The following RXRA variants were observed in gnomAD, a reference collection of about 807,000 sequenced individuals.
RXRA encodes retinoic acid receptor RXR-alpha.
RXRA carries 5 observed loss-of-function variants against 44.5 expected under a neutral mutation model. That is an observed-to-expected ratio of 0.11 (90% CI 0.06 to 0.24). The LOEUF (loss-of-function observed/expected upper bound fraction) is 0.24. RXRA is among the 10% of genes least tolerant of loss of function. RXRA has a pLI of 1.00. For synonymous variants in RXRA, 291 were observed against 271.4 expected, an observed-to-expected ratio of 1.07 and a Z score of -0.71; for missense variants, 412 against 646.5, an observed-to-expected ratio of 0.64 and a Z score of 3.93.
chr9:134,424,602 CG>C (rs2119194716), intron 6 of RXRA: 1 of 985,466 alleles, frequency 1.0e-6, no homozygotes, highest in South Asian at 4.7e-5. Context: ...TTCTGTCTGC[CG>C]GGGCCAGCAG....
intron 6 of RXRA, among the ~76,000 whole-genome samples, chr9:134,428,034 C>T (rs777765344): frequency 4.3e-4 from 66 of 152,246 alleles, no homozygotes; most frequent in Non-Finnish European, 7.6e-4. Context: ...CCACGTCACC[C>T]GGTCTCCAGG....
chr9:134,338,250 G>T (rs782082889), intron 1 of RXRA, among the ~76,000 whole-genome samples: 1 of 152,240 alleles, frequency 6.6e-6, no homozygotes, highest in African/African-American at 2.4e-5. Context: ...TGTGGGGCAC[G>T]GCCATCGCCA....
At chr9:134,354,647 A>C (rs1217134283) in intron 1 of RXRA, among the ~76,000 whole-genome samples, 2 of 152,190 alleles carry the variant, frequency 1.3e-5, no homozygotes, top group African/African-American at 4.8e-5. Context: ...CTGCTGGTGG[A>C]GATGGCCTGG....
In RXRA at chr9:134,434,124, G is replaced by A. The variant is rs750236508; in HGVS notation, c.1158G>A (p.Pro386=). The part of the protein sequence containing the change: ...FNPDSKGLSN[P]AEVEALREKV... ...CAGACTCCAAGGGGCTCTCGAACCC[G>A]GCCGAGGTGGAGGCGCTGAGGGAGA... is the stretch of plus-strand genomic sequence containing the variant. Residue 386 remains proline (P), a synonymous_variant, in exon 9 of 10, where the codon CCG becomes CCA. Coordinates refer to ENST00000481739, the MANE Select transcript of RXRA (RefSeq NM_002957.6). 1.9e-6 allele frequency: 3 copies of A among 1,613,726 alleles called. No homozygotes were observed. Among genetic ancestry groups the A allele is most frequent in the Non-Finnish European group, 2.5e-6 (3 of 1,179,892 alleles).
At position 134,431,891 on chromosome 9, in the gene RXRA, C is replaced by T. The variant is rs200243301; in HGVS notation, c.1044-14C>T. ...ACCTAACTGGGATGGGGTGTCTGCCCTCCTCCTCTGCAGGGTGCTGACGGA... is the reference window on the plus strand; with the variant it reads ...ACCTAACTGGGATGGGGTGTCTGCCTTCCTCCTCTGCAGGGTGCTGACGGA... On this transcript the variant is annotated splice_polypyrimidine_tract_variant and intron_variant, in intron 7 of 9. Transcript: ENST00000481739. 7.5e-6 allele frequency: 12 copies of T among 1,606,202 alleles called. No individual in the cohort carries two copies. The highest frequency in any genetic ancestry group is 9.4e-6 in the Non-Finnish European group (11 of 1,173,564).
intron 1 of RXRA, among the ~76,000 whole-genome samples, chr9:134,384,485 A>T (rs1192457413): frequency 6.6e-6 from 1 of 152,070 alleles, no homozygotes; most frequent in African/African-American, 2.4e-5. Flanking sequence ...GCTGGGGGAG[A>T]CTTGGGAATT....
chr9:134,428,181 C>T (rs897129047), intron 6 of RXRA, among the ~76,000 whole-genome samples: 6 of 151,202 alleles, frequency 4.0e-5, no homozygotes, highest in Non-Finnish European at 8.9e-5. Context: ...AGGGAACCCC[C>T]ACTATGTTGA....
chr9:134,423,760 G>A lies in RXRA; in HGVS notation c.910+1955G>A, dbSNP rs139962636. On this transcript the variant is annotated intron_variant, in intron 6 of 9. Transcript: ENST00000481739. ...GGGAACCCTGCCCTTGTTTGCAGGG[G>A]CTCCCCCAGAACCCTCGGTTCAGAG... 600 of 985,472 alleles carry A rather than the reference G, an allele frequency of 6.1e-4. 1 individual carries two copies. In the African/African-American group the frequency reaches 8.6e-3, roughly 14 times the overall value. 61.0% of individuals were successfully genotyped at this position (985,472 alleles called of 1,614,324 possible).
chr9:134,336,158 G>A (rs1554747273), intron 1 of RXRA, among the ~76,000 whole-genome samples: 1 of 152,128 alleles, frequency 6.6e-6, no homozygotes. Flanking sequence ...TGGCAAGGCG[G>A]GCCTGGCAGG....
intron 1 of RXRA, among the ~76,000 whole-genome samples, chr9:134,387,374 C>G (rs918124928): frequency 6.6e-6 from 1 of 152,232 alleles, no homozygotes; most frequent in Non-Finnish European, 1.5e-5. Flanking sequence ...GGCTCAGTGC[C>G]GTGGAGTAAC....
chr9:134,381,593 C>T (rs1430074941), intron 1 of RXRA, among the ~76,000 whole-genome samples: 1 of 152,028 alleles, frequency 6.6e-6, no homozygotes, highest in Non-Finnish European at 1.5e-5. Flanking sequence ...GTGGCGCCCG[C>T]CCTTCTCCCT....
intron 1 of RXRA, among the ~76,000 whole-genome samples, chr9:134,356,183 C>G (rs1173210019): frequency 6.6e-6 from 1 of 152,128 alleles, no homozygotes; most frequent in Non-Finnish European, 1.5e-5. Context: ...GGGAAGCTGC[C>G]TCACCCTCAC....
At chr9:134,412,268 C>G (rs1324953130) in intron 4 of RXRA, among the ~76,000 whole-genome samples, 3 of 152,230 alleles carry the variant, frequency 2.0e-5, no homozygotes, top group African/African-American at 7.2e-5. Context: ...TCCTAAGTGT[C>G]AGGCCCCCTG....
Position 134,417,019 on chromosome 9 carries a change from T to TC in RXRA, c.611-137dup. 1 of 848,768 alleles carries TC rather than the reference T, an allele frequency of 1.2e-6. No homozygotes were observed. The allele number at this position is 848,768 out of a possible 1,614,324, so 52.6% of individuals were successfully genotyped here. On this transcript the variant is annotated intron_variant, in intron 4 of 9. Coordinates refer to ENST00000481739, the MANE Select transcript of RXRA (RefSeq NM_002957.6). This position sits in a 1 kb window ranked among gnomAD's most constrained non-coding sequence, Gnocchi z 6.1. ...CCAGGCCTGGGGCAGAGATGGGGTCTCCATCACCCAGTGCTGGTGGGGATG... is the reference window on the plus strand; with the variant it reads ...CCAGGCCTGGGGCAGAGATGGGGTCTCCCATCACCCAGTGCTGGTGGGGATG...
chr9:134,387,079 G>A (rs1022632166), intron 1 of RXRA, among the ~76,000 whole-genome samples: 24 of 152,208 alleles, frequency 1.6e-4, no homozygotes, highest in Non-Finnish European at 2.5e-4. Context: ...CTGTGGCTGC[G>A]GTGTCGGGTG....
chr9:134,397,928 G>GCT (rs1830903371), intron 1 of RXRA, among the ~76,000 whole-genome samples: 1 of 152,222 alleles, frequency 6.6e-6, no homozygotes, highest in South Asian at 2.1e-4. Context: ...GGAAGTCAGT[G>GCT]AAGACCAGCT....
chr9:134,379,424 TC>T, intron 1 of RXRA: 1 of 987,422 alleles, frequency 1.0e-6, no homozygotes, highest in Non-Finnish European at 1.2e-6. Flanking sequence ...TCCCTTCACT[TC>T]CTGGCCATCC....
At chr9:134,422,401 T>A (rs1236300103) in intron 6 of RXRA, 69 of 1,241,286 alleles carry the variant, frequency 5.6e-5, no homozygotes, top group Non-Finnish European at 6.2e-5. Flanking sequence ...CACTCCCCCG[T>A]CCCGTGACAT....
At chr9:134,427,227 A>G (rs1268247148) in intron 6 of RXRA, 1 of 961,832 alleles carries the variant, frequency 1.0e-6, no homozygotes, top group Non-Finnish European at 1.2e-6. Context: ...GCAGTGTGGA[A>G]GCTGTTTTCG....
Sources: allele counts gnomAD v4.1 joint callset (sites outside exome capture counted in the v4.1 genomes callset), GRCh38; gene constraint gnomAD v4.1.1; non-coding constraint Gnocchi (gnomAD v3.1); transcripts MANE v1.5; gene names NCBI Gene and HGNC (gene_info 2026-07-23, HGNC 2026-07-21).